Variants in LINGO2 observed in about 807,000 individuals in gnomAD.
LINGO2 encodes leucine-rich repeat and immunoglobulin-like domain-containing nogo receptor-interacting protein 2.
A neutral mutation model predicts 30.6 loss-of-function variants in LINGO2; 14 were observed. The observed-to-expected ratio is 0.46, with a 90% CI of 0.30 to 0.72. The LOEUF is 0.72. Among genes scored for constraint, LINGO2 ranks in the 30% least tolerant of loss-of-function variants. LINGO2 has a pLI of 0.07. For missense variants in LINGO2, 729 were observed against 751.7 expected (o/e 0.97, Z 0.35); for synonymous variants, 317 against 288.5 (o/e 1.10, Z -1.00).
the LINGO2 span, among the ~76,000 whole-genome samples, chr9:28,802,796 C>T: frequency 6.6e-6 from 1 of 152,032 alleles, no homozygotes; most frequent in African/African-American, 2.4e-5. Flanking sequence ...CTTGTATCTC[C>T]TCTTCTTTCA....
intron 4 of LINGO2, among the ~76,000 whole-genome samples, chr9:28,230,273 T>C (rs906566405): frequency 4.6e-5 from 7 of 151,650 alleles, no homozygotes; most frequent in Non-Finnish European, 7.4e-5. Flanking sequence ...TGTAAAAAAA[T>C]AAAAATACAG....
In LINGO2 at chr9:28,156,467, G is replaced by A. The variant is rs1404826391; in HGVS notation, c.-87+138741C>T. On this transcript the variant is annotated intron_variant, in intron 4 of 5. Transcript: ENST00000379992. ...ATCTACATCCAATCTTATGACACAG[G>A]GATTTTTAATCCCAGTTTTGCAAAT... Among the ~76,000 whole-genome samples, 4 of 152,228 alleles carry A rather than the reference G, an allele frequency of 2.6e-5. No individual in the cohort carries two copies. In the East Asian group the frequency reaches 7.7e-4, roughly 29 times the overall value.
At chr9:28,074,194 G>A (rs951243517) in intron 4 of LINGO2, among the ~76,000 whole-genome samples, 1 of 152,004 alleles carries the variant, frequency 6.6e-6, no homozygotes, top group Non-Finnish European at 1.5e-5. Flanking sequence ...AGTTTAAAAA[G>A]GTGTCATCTA....
chr9:28,054,325 T>C (rs956910709), intron 4 of LINGO2, among the ~76,000 whole-genome samples: 3 of 152,078 alleles, frequency 2.0e-5, no homozygotes, highest in Admixed American at 1.3e-4. Context: ...CTTTTGACTC[T>C]TGGATGGTTT....
intron 4 of LINGO2, among the ~76,000 whole-genome samples, chr9:28,142,244 C>T (rs1827694464): frequency 6.8e-6 from 1 of 147,566 alleles, no homozygotes; most frequent in Non-Finnish European, 1.5e-5. Flanking sequence ...TTCCAGAATT[C>T]CTTAGTAAGT....
chr9:28,681,572 G>A, the LINGO2 span, among the ~76,000 whole-genome samples: 1 of 152,076 alleles, frequency 6.6e-6, no homozygotes, highest in Admixed American at 6.6e-5. Context: ...ATGGGAATGG[G>A]TGAAATGTCT....
intron 4 of LINGO2, among the ~76,000 whole-genome samples, chr9:28,200,937 T>C (rs1820208257): frequency 6.6e-6 from 1 of 151,404 alleles, no homozygotes; most frequent in Non-Finnish European, 1.5e-5. Context: ...AATCAATAAA[T>C]CACCGTACAA....
At chr9:29,146,971 A>C in the LINGO2 span, among the ~76,000 whole-genome samples, 18 of 152,306 alleles carry the variant, frequency 1.2e-4, no homozygotes, top group African/African-American at 4.3e-4. Flanking sequence ...GCATCAACAC[A>C]ATAATTAGAT....
chr9:28,165,200 T>G (rs542281816), intron 4 of LINGO2, among the ~76,000 whole-genome samples: 1 of 152,370 alleles, frequency 6.6e-6, no homozygotes, highest in South Asian at 2.1e-4. Context: ...TCACAACATT[T>G]ACAATTCCTT....
the LINGO2 span, among the ~76,000 whole-genome samples, chr9:28,848,053 A>ACAC: frequency 7.7e-4 from 11 of 14,264 alleles, 1 homozygote; most frequent in African/African-American, 2.1e-3. Flanking sequence ...TAGTATATAT[A>ACAC]TATATATATG....
At chr9:29,135,894 C>T in the LINGO2 span, among the ~76,000 whole-genome samples, 1 of 152,134 alleles carries the variant, frequency 6.6e-6, no homozygotes, top group Non-Finnish European at 1.5e-5. Context: ...TTGTGACTGG[C>T]TTATTTCCCT....
rs140200867 is a variant in LINGO2 at position 28,443,023 on chromosome 9, C to T, written c.-279+32917G>A. Among the ~76,000 whole-genome samples the T allele has an allele frequency of 2.8e-4, 42 of 152,158 alleles. No homozygotes were observed. In the East Asian group the frequency reaches 5.6e-3, roughly 20 times the overall value. On this transcript the variant is annotated intron_variant, in intron 2 of 5. Transcript: ENST00000379992. ...CTTTTAAAAGTGAGGTTGTAACACA[C>T]ATAGACTGATAAGCTTTAAAATAAG...
chr9:29,202,994 A>G, the LINGO2 span, among the ~76,000 whole-genome samples: 257 of 152,232 alleles, frequency 1.7e-3, 4 homozygotes, highest in East Asian at 0.045. Flanking sequence ...TTTAAGTGTA[A>G]TTAAAGACAA....
chr9:29,018,021 T>C, the LINGO2 span, among the ~76,000 whole-genome samples: 1 of 95,280 alleles, frequency 1.0e-5, no homozygotes, highest in East Asian at 2.8e-4. Context: ...TATATAAATC[T>C]GCATATATAT....
chr9:28,911,178 G>T, the LINGO2 span, among the ~76,000 whole-genome samples: 2 of 151,848 alleles, frequency 1.3e-5, no homozygotes, highest in African/African-American at 4.8e-5. Flanking sequence ...AAAAGGTAAA[G>T]CATATAAGAG....
intron 1 of LINGO2, among the ~76,000 whole-genome samples, chr9:28,524,253 C>T (rs1056402011): frequency 1.3e-5 from 2 of 151,956 alleles, no homozygotes; most frequent in African/African-American, 4.8e-5. Context: ...CTACCTCACA[C>T]CATACACACA....
At chr9:28,382,873 G>T (rs900028065) in intron 2 of LINGO2, among the ~76,000 whole-genome samples, 1 of 152,024 alleles carries the variant, frequency 6.6e-6, no homozygotes, top group African/African-American at 2.4e-5. Context: ...TACCACAAAA[G>T]TTCTTGATAC....
At chr9:29,027,287 T>C in the LINGO2 span, among the ~76,000 whole-genome samples, 1 of 152,204 alleles carries the variant, frequency 6.6e-6, no homozygotes, top group East Asian at 1.9e-4. Context: ...CAATCATAAA[T>C]TATAACCTTT....
At chr9:28,032,360 GGAATGCTGATCACAGA>G (rs1480838946) in intron 4 of LINGO2, among the ~76,000 whole-genome samples, 3 of 152,162 alleles carry the variant, frequency 2.0e-5, no homozygotes, top group African/African-American at 7.2e-5. Context: ...CAGGGCTATA[GGAATGCTGATCACAGA>G]TGGGCTCCCA....
Sources: gnomAD v4.1 joint callset for allele counts (sites outside exome capture counted in the v4.1 genomes callset) on GRCh38, gnomAD v4.1.1 for gene constraint, MANE v1.5 for transcripts, NCBI Gene and HGNC (gene_info 2026-07-23, HGNC 2026-07-21) for gene names.